The following RANBP17 variants were observed in gnomAD, a reference collection of about 807,000 sequenced individuals.
RANBP17 encodes the protein RAN binding protein 17, also known as ran-binding protein 17.
RANBP17 carries 158 observed loss-of-function variants against 141.2 expected under a neutral mutation model. The ratio of observed to expected loss-of-function variants is 1.12; its 90% CI spans 0.98 to 1.28. RANBP17 has a LOEUF of 1.28. Among genes scored for constraint, RANBP17 ranks in the 50% most tolerant of loss-of-function variants. The pLI is 0.00. For missense variants in RANBP17, 1,438 were observed against 1,290.7 expected, an observed-to-expected ratio of 1.11 and a Z score of -1.75; for synonymous variants, 430 against 450.0, an observed-to-expected ratio of 0.96 and a Z score of 0.56.
intron 14 of RANBP17, among the ~76,000 whole-genome samples, chr5:171,063,760 C>G (rs1395224995): frequency 6.6e-6 from 1 of 152,192 alleles, no homozygotes; most frequent in South Asian, 2.1e-4. Context: ...TGCCCTGCCC[C>G]CAGAGGTGGA....
intron 3 of RANBP17, among the ~76,000 whole-genome samples, chr5:170,883,098 C>G (rs541786586): frequency 3.3e-5 from 5 of 152,282 alleles, no homozygotes; most frequent in Non-Finnish European, 7.4e-5. Context: ...TATAAGCACT[C>G]TGAGTCTTAG....
chr5:171,188,778 A>G (rs189682574), intron 18 of RANBP17, among the ~76,000 whole-genome samples: 260 of 152,312 alleles, frequency 1.7e-3, no homozygotes, highest in Non-Finnish European at 2.8e-3. Context: ...GGATAGCACT[A>G]TCGGAGCCTG....
intron 14 of RANBP17, among the ~76,000 whole-genome samples, chr5:171,075,041 T>G (rs980788037): frequency 3.0e-4 from 46 of 152,274 alleles, no homozygotes; most frequent in African/African-American, 8.7e-4. Flanking sequence ...AAATTTTTTT[T>G]TGTGAAAAAT....
At chr5:170,919,310 A>G (rs1243032261) in intron 10 of RANBP17, 131 bp from the exon 11 acceptor site, 1 of 613,684 alleles carries the variant, frequency 1.6e-6, no homozygotes, top group Non-Finnish European at 2.6e-6. Flanking sequence ...AATTTGCTAT[A>G]TTATGTGTTC....
chr5:171,159,852 G>A (rs2127852869), intron 14 of RANBP17, among the ~76,000 whole-genome samples: 1 of 150,322 alleles, frequency 6.7e-6, no homozygotes, highest in East Asian at 2.0e-4. Context: ...GAACCCGGGA[G>A]GCAGAGCTTG....
At chr5:170,931,550 G>T (rs1169512496) in intron 12 of RANBP17, among the ~76,000 whole-genome samples, 1 of 152,082 alleles carries the variant, frequency 6.6e-6, no homozygotes, top group African/African-American at 2.4e-5. Context: ...GGTCTAACAT[G>T]TAAGTCTTTA....
chr5:170,894,046 A>C (rs2127387937), intron 4 of RANBP17, among the ~76,000 whole-genome samples: 1 of 152,316 alleles, frequency 6.6e-6, no homozygotes, highest in South Asian at 2.1e-4. Flanking sequence ...TATGTTGTTA[A>C]AACCTGGTTA....
At chr5:170,982,231 G>C (rs1368918351) in intron 14 of RANBP17, among the ~76,000 whole-genome samples, 1 of 144,548 alleles carries the variant, frequency 6.9e-6, no homozygotes, top group Non-Finnish European at 1.5e-5. Context: ...TATAGATATA[G>C]ATATATAGGA....
intron 22 of RANBP17, among the ~76,000 whole-genome samples, chr5:171,231,918 A>G (rs1375047820): frequency 1.3e-5 from 2 of 152,210 alleles, no homozygotes; most frequent in Non-Finnish European, 2.9e-5. Context: ...TGGGAAAACA[A>G]ACAAAATGCT....
intron 12 of RANBP17, among the ~76,000 whole-genome samples, chr5:170,937,829 T>C (rs1211576349): frequency 1.3e-5 from 2 of 152,196 alleles, no homozygotes; most frequent in Non-Finnish European, 2.9e-5. Flanking sequence ...TAGCCAGCTA[T>C]CTATAAAATT....
chr5:170,880,212 A>G (rs1323501152), intron 2 of RANBP17, among the ~76,000 whole-genome samples: 1 of 152,198 alleles, frequency 6.6e-6, no homozygotes, highest in Non-Finnish European at 1.5e-5. Flanking sequence ...CTCAGCATTG[A>G]CTTCTAGAAT....
intron 13 of RANBP17, among the ~76,000 whole-genome samples, chr5:170,967,830 A>G (rs1297718224): frequency 6.6e-6 from 1 of 151,714 alleles, no homozygotes; most frequent in Non-Finnish European, 1.5e-5. Context: ...TTATTTAGAA[A>G]TACAAGATTA....
intron 14 of RANBP17, among the ~76,000 whole-genome samples, chr5:170,987,960 TG>T (rs1190247205): frequency 6.6e-6 from 1 of 151,620 alleles, no homozygotes; most frequent in Non-Finnish European, 1.5e-5. Context: ...TACCATTATT[TG>T]ACATCAAATC....
chr5:170,959,692 G>T (rs1184976833), intron 13 of RANBP17, among the ~76,000 whole-genome samples: 3 of 152,122 alleles, frequency 2.0e-5, no homozygotes, highest in Non-Finnish European at 4.4e-5. Flanking sequence ...AACATATTTT[G>T]TATGTTATAT....
At chr5:171,225,902 C>G (rs1300148089) in intron 22 of RANBP17, among the ~76,000 whole-genome samples, 1 of 152,204 alleles carries the variant, frequency 6.6e-6, no homozygotes, top group Non-Finnish European at 1.5e-5. Context: ...TGCTTCAGCT[C>G]TCAGCTCCTC....
At chr5:171,131,180 G>A (rs1433351629) in intron 14 of RANBP17, among the ~76,000 whole-genome samples, 1 of 152,052 alleles carries the variant, frequency 6.6e-6, no homozygotes, top group Non-Finnish European at 1.5e-5. Flanking sequence ...AAGGATTAGA[G>A]GAGATTACCT....
At chr5:170,979,258 A>G (rs948873160) in intron 14 of RANBP17, among the ~76,000 whole-genome samples, 2 of 152,196 alleles carry the variant, frequency 1.3e-5, no homozygotes, top group African/African-American at 4.8e-5. Flanking sequence ...CTTAGTCTGC[A>G]TGGTGGGTGT....
At chr5:171,080,244 A>AACACACAC (rs5873252) in intron 14 of RANBP17, among the ~76,000 whole-genome samples, 1,622 of 147,870 alleles carry the variant, frequency 0.011, 26 homozygotes, top group African/African-American at 0.037. Context: ...ACACACACAA[A>AACACACAC]ACACACACAC....
At chr5:171,062,761 A>G (rs952701779) in intron 14 of RANBP17, among the ~76,000 whole-genome samples, 3 of 152,198 alleles carry the variant, frequency 2.0e-5, no homozygotes, top group Non-Finnish European at 4.4e-5. Context: ...GTGTTTTCCA[A>G]CTTGTTTCCA....
Sources: allele counts gnomAD v4.1 joint callset (sites outside exome capture counted in the v4.1 genomes callset), GRCh38; gene constraint gnomAD v4.1.1; transcripts MANE v1.5; gene names NCBI Gene and HGNC (gene_info 2026-07-23, HGNC 2026-07-21).